Variants in NLRC5 observed in about 807,000 individuals in gnomAD.
NLRC5 encodes the protein NLR family CARD domain containing 5, also known as protein NLRC5.
Under a neutral mutation model 206.9 loss-of-function variants are expected in NLRC5, and 114 were observed. That is an observed-to-expected ratio of 0.55 (90% CI 0.47 to 0.64). NLRC5 has a LOEUF of 0.64. NLRC5 is among the 30% of genes least tolerant of loss of function. NLRC5 has a pLI of 0.00. For synonymous variants in NLRC5, 952 were observed against 962.8 expected (o/e 0.99, Z 0.21); for missense variants, 2,008 against 2,305.5 (o/e 0.87, Z 2.64).
At chr16:57,000,426 A>T (rs542839495) in intron 1 of NLRC5, among the ~76,000 whole-genome samples, 1 of 152,250 alleles carries the variant, frequency 6.6e-6, no homozygotes, top group South Asian at 2.1e-4. Flanking sequence ...CAATGACCAG[A>T]AGAAGATGGC....
intron 32 of NLRC5, among the ~76,000 whole-genome samples, chr16:57,062,910 C>A (rs2066685309): frequency 6.6e-6 from 1 of 151,836 alleles, no homozygotes; most frequent in African/African-American, 2.4e-5. Context: ...CACCCCATTT[C>A]CCCCCTACCC....
chr16:57,036,218 A>G, intron 14 of NLRC5, 35 bp downstream of exon 14: 1 of 1,598,506 alleles, frequency 6.3e-7, no homozygotes, highest in Non-Finnish European at 8.5e-7. Flanking sequence ...GTACCAGGGA[A>G]GGCCCTGTAG....
At chr16:57,076,933 G>T in intron 40 of NLRC5, 31 bp downstream of exon 40, 1 of 1,603,464 alleles carries the variant, frequency 6.2e-7, no homozygotes, top group South Asian at 1.1e-5. Flanking sequence ...CCAGACCCAG[G>T]ACAATTTTGG....
chr16:57,047,669 G>A, intron 23 of NLRC5, 41 bp downstream of exon 23: 1 of 1,543,236 alleles, frequency 6.5e-7, no homozygotes, highest in Non-Finnish European at 8.9e-7. Context: ...ACCATGTGGG[G>A]ATCTGCCCAG....
At chr16:57,003,029 T>C (rs147139281) in intron 1 of NLRC5, among the ~76,000 whole-genome samples, 246 of 150,610 alleles carry the variant, frequency 1.6e-3, no homozygotes, top group African/African-American at 5.7e-3. Flanking sequence ...GGTCTCCCTT[T>C]TCTCCACATA....
intron 13 of NLRC5, among the ~76,000 whole-genome samples, chr16:57,035,678 G>C (rs922644614): frequency 2.0e-5 from 3 of 152,220 alleles, no homozygotes; most frequent in African/African-American, 4.8e-5. Context: ...GACTAGGTCA[G>C]ATGCCCCCAT....
chr16:57,078,879 G>T (rs2068773358), intron 43 of NLRC5, among the ~76,000 whole-genome samples, 171 bp from the exon 44 acceptor site: 1 of 152,154 alleles, frequency 6.6e-6, no homozygotes, highest in Non-Finnish European at 1.5e-5. Context: ...GTTGAATTTG[G>T]GATCTCAGAC....
At chr16:57,020,065 G>C (rs79162839) in intron 2 of NLRC5, among the ~76,000 whole-genome samples, 3 of 151,994 alleles carry the variant, frequency 2.0e-5, no homozygotes, top group Non-Finnish European at 4.4e-5. Context: ...GAGACATCAA[G>C]ACTCCATGGA....
rs1171866773 is a variant in NLRC5 at position 57,070,563 on chromosome 16, G to A, written c.4612G>A (p.Gly1538Ser). Residue 1538 changes from glycine to serine, a missense_variant, in exon 38 of 49, where the codon GGC becomes AGC. Physicochemically the swap from Gly to Ser is moderately conservative, Grantham distance 56. Coordinates refer to ENST00000688547, the MANE Select transcript of NLRC5 (RefSeq NM_001384950.1). ...DLSNNQFDEEGTKALMRALEG... is the reference protein window; with the variant it reads ...DLSNNQFDEESTKALMRALEG... The stretch of plus-strand genomic sequence containing the variant: ...GTCTAACAATCAATTTGATGAGGAG[G>A]GCACCAAGGCGCTGATGAGGGCCCT... The A allele has an allele frequency of 1.2e-6, 2 of 1,613,980 alleles. No homozygotes were observed. Among genetic ancestry groups the A allele is most frequent in the Non-Finnish European group, 8.5e-7 (1 of 1,180,020 alleles).
intron 39 of NLRC5, among the ~76,000 whole-genome samples, chr16:57,074,901 C>T (rs1454647159): frequency 6.6e-6 from 1 of 151,780 alleles, no homozygotes; most frequent in African/African-American, 2.4e-5. Context: ...AGGGCTTAGG[C>T]CCACGTCGTA....
At position 57,077,727 on chromosome 16, in the gene NLRC5, G is replaced by A; in HGVS notation, c.4928G>A (p.Gly1643Glu). Residue 1643 changes from glycine to glutamate, a missense_variant, in exon 42 of 49, where the codon GGG becomes GAG. Coordinates refer to ENST00000688547, the MANE Select transcript of NLRC5 (RefSeq NM_001384950.1). Reference sequence around the variant, plus strand: ...CTGCCCCCCTCCCACAGCCTCTCAGGGAATAGCATCAGCTCAGCCGGGGGA... The same window carrying A: ...CTGCCCCCCTCCCACAGCCTCTCAGAGAATAGCATCAGCTCAGCCGGGGGA... ...LPELRKIDLS[G>E]NSISSAGGVQ... 1 of 1,585,540 alleles carries A rather than the reference G, an allele frequency of 6.3e-7. No homozygotes were observed. The highest frequency in any genetic ancestry group is 8.6e-7 in the Non-Finnish European group (1 of 1,163,868).
At chr16:56,990,908 A>G (rs2056742510) in intron 1 of NLRC5, 1 of 152,126 alleles carries the variant, frequency 6.6e-6, no homozygotes, top group Non-Finnish European at 1.5e-5. Context: ...GCCATCCATG[A>G]TGCCCACCCG....
intron 5 of NLRC5, among the ~76,000 whole-genome samples, chr16:57,024,194 C>A (rs1422731193): frequency 6.6e-6 from 1 of 152,058 alleles, no homozygotes; most frequent in African/African-American, 2.4e-5. Context: ...GGGAGGAGAC[C>A]AGTTTGGGGG....
chr16:57,066,873 T>A (rs2067136452), intron 34 of NLRC5, among the ~76,000 whole-genome samples: 1 of 152,222 alleles, frequency 6.6e-6, no homozygotes, highest in African/African-American at 2.4e-5. Flanking sequence ...GCACAGGCTG[T>A]GCTCTCTGCC....
intron 1 of NLRC5, among the ~76,000 whole-genome samples, chr16:57,015,680 C>A (rs1386913582): frequency 6.6e-6 from 1 of 151,814 alleles, no homozygotes; most frequent in Non-Finnish European, 1.5e-5. Flanking sequence ...ATAATCCCAG[C>A]ACTTTGGGAG....
rs1250105720 is a variant in NLRC5 at position 57,041,973 on chromosome 16, C to T, written c.3030-9C>T. On this transcript the variant is annotated splice_polypyrimidine_tract_variant and intron_variant, in intron 18 of 48. Coordinates refer to ENST00000688547, the MANE Select transcript of NLRC5 (RefSeq NM_001384950.1). The stretch of plus-strand genomic sequence containing the variant: ...CTAATGTTCTCCCCTCCCTTCTCCC[C>T]ACCCCCAGCTTCTCAGGCAATGCTC... The T allele has an allele frequency of 6.4e-7, 1 of 1,560,322 alleles. No homozygotes were observed.
chr16:57,038,047 A>G (rs1254007279), intron 15 of NLRC5, among the ~76,000 whole-genome samples: 2 of 152,164 alleles, frequency 1.3e-5, no homozygotes, highest in Non-Finnish European at 1.5e-5. Flanking sequence ...TAAATAAATT[A>G]TCACGATTGT....
At chr16:57,042,382 A>C (rs546389970) in intron 19 of NLRC5, among the ~76,000 whole-genome samples, 1 of 152,156 alleles carries the variant, frequency 6.6e-6, no homozygotes, top group Admixed American at 6.5e-5. Context: ...GGCAGTTGTT[A>C]TTCTGGCCCT....
chr16:57,000,104 G>A (rs2058077494), intron 1 of NLRC5, among the ~76,000 whole-genome samples: 1 of 152,168 alleles, frequency 6.6e-6, no homozygotes, highest in African/African-American at 2.4e-5. Flanking sequence ...CCCAGGGAGA[G>A]GCCTCTGGGG....
Sources: gnomAD v4.1 joint callset for allele counts (sites outside exome capture counted in the v4.1 genomes callset) on GRCh38, gnomAD v4.1.1 for gene constraint, MANE v1.5 for transcripts, NCBI Gene and HGNC (gene_info 2026-07-23, HGNC 2026-07-21) for gene names.